ARHGAP12: variants seen among roughly 807,000 people sequenced by gnomAD.
ARHGAP12 encodes rho GTPase-activating protein 12.
Under a neutral mutation model 108.6 loss-of-function variants are expected in ARHGAP12, and 64 were observed. The observed-to-expected ratio is 0.59, with a 90% CI of 0.48 to 0.73. ARHGAP12 has a LOEUF of 0.73. Ranked by LOEUF, ARHGAP12 falls within the 30% of genes least tolerant of loss-of-function variation. The probability of loss-of-function intolerance (pLI) is 0.00; values close to 1 mark genes in which losing one functional copy is unlikely to be tolerated. For missense variants in ARHGAP12, 940 were observed against 1,005.9 expected (o/e 0.93, Z 0.89); for synonymous variants, 312 against 337.2 (o/e 0.93, Z 0.82).
At chr10:31,840,027 T>C (rs1836201606) in intron 7 of ARHGAP12, among the ~76,000 whole-genome samples, 1 of 152,088 alleles carries the variant, frequency 6.6e-6, no homozygotes, top group East Asian at 1.9e-4. Context: ...TTAAAATAAG[T>C]AAAACCTAAA....
intron 7 of ARHGAP12, among the ~76,000 whole-genome samples, chr10:31,840,573 TTG>T (rs1836225542): frequency 6.6e-6 from 1 of 152,120 alleles, no homozygotes; most frequent in South Asian, 2.1e-4. Flanking sequence ...TATTATTAAT[TTG>T]TTTCTATCAA....
At chr10:31,907,564 G>A (rs910379499) in intron 3 of ARHGAP12, among the ~76,000 whole-genome samples, 2 of 151,650 alleles carry the variant, frequency 1.3e-5, no homozygotes, top group African/African-American at 4.8e-5. Flanking sequence ...AGCCCAGGAG[G>A]TGAAGGCTGC....
At chr10:31,879,971 T>C (rs894072208) in intron 3 of ARHGAP12, among the ~76,000 whole-genome samples, 2 of 152,162 alleles carry the variant, frequency 1.3e-5, no homozygotes, top group South Asian at 2.1e-4. Context: ...TGGGAAATAA[T>C]AGGGAAGCAA....
intron 15 of ARHGAP12, among the ~76,000 whole-genome samples, chr10:31,812,036 T>A (rs1035653075): frequency 1.3e-5 from 2 of 152,232 alleles, no homozygotes; most frequent in African/African-American, 2.4e-5. Flanking sequence ...AGAAATTTCA[T>A]AATAATCAGA....
Position 31,807,632 on chromosome 10 carries a change from A to G in ARHGAP12, c.*26T>C, listed in dbSNP as rs954866081. 4 of 1,573,432 alleles carry G rather than the reference A, an allele frequency of 2.5e-6. No individual in the cohort carries two copies. Among genetic ancestry groups the G allele is most frequent in the Non-Finnish European group, 1.7e-6 (2 of 1,164,430 alleles). ...TGAAATCTGATGGAATCCAGCTTCT[A>G]TTCCACAGGTTGTCTTCAGTAAGAA... On this transcript the variant is annotated 3_prime_UTR_variant, in exon 20 of 20. Transcript: ENST00000344936.
At chr10:31,870,185 G>GTAATTTAGCTGCTTA in intron 3 of ARHGAP12, among the ~76,000 whole-genome samples, 1 of 149,900 alleles carries the variant, frequency 6.7e-6, no homozygotes, top group East Asian at 2.0e-4. Context: ...ATGTATTTTT[G>GTAATTTAGCTGCTTA]TAATTTAGCT....
chr10:31,914,650 C>T (rs963336201), intron 1 of ARHGAP12, among the ~76,000 whole-genome samples: 3 of 151,962 alleles, frequency 2.0e-5, no homozygotes, highest in African/African-American at 4.8e-5. Context: ...TATAAGCTGG[C>T]GAGAATGTGG....
intron 3 of ARHGAP12, among the ~76,000 whole-genome samples, chr10:31,885,457 G>T (rs1056333860): frequency 6.6e-6 from 1 of 152,068 alleles, no homozygotes; most frequent in Non-Finnish European, 1.5e-5. Flanking sequence ...AAAACCAAGA[G>T]TTCCTTCCTG....
rs1442051928 is a variant in ARHGAP12, at chr10:31,839,438, GAT to G, written c.1372-121_1372-120del. ...TATGGTATATAATTTAATCATGTAA[GAT>G]ACCATATTTTAAACAAAAGGGGGAC... On this transcript the variant is annotated intron_variant, in intron 8 of 19. Transcript: ENST00000344936. The G allele has an allele frequency of 7.8e-6, 9 of 1,158,336 alleles. No homozygotes were observed. In the African/African-American group the frequency reaches 7.9e-5, roughly 10 times the overall value. The allele number at this position is 1,158,336 out of a possible 1,614,324, so 71.8% of individuals were successfully genotyped here.
At chr10:31,883,001 A>G (rs777356155) in intron 3 of ARHGAP12, among the ~76,000 whole-genome samples, 1 of 151,618 alleles carries the variant, frequency 6.6e-6, no homozygotes, top group Non-Finnish European at 1.5e-5. Flanking sequence ...GCATTAAGAA[A>G]TATCTACTCT....
chr10:31,879,512 T>C (rs1837857620), intron 3 of ARHGAP12, among the ~76,000 whole-genome samples: 1 of 152,238 alleles, frequency 6.6e-6, no homozygotes, highest in African/African-American at 2.4e-5. Flanking sequence ...ATAATTTTAT[T>C]AGTAGTTGGC....
intron 3 of ARHGAP12, among the ~76,000 whole-genome samples, chr10:31,885,538 G>A (rs1838158139): frequency 1.3e-5 from 2 of 152,124 alleles, no homozygotes; most frequent in African/African-American, 4.8e-5. Context: ...CAGACAAATG[G>A]CCAGGCATGG....
intron 3 of ARHGAP12, among the ~76,000 whole-genome samples, chr10:31,889,108 C>T (rs747999018): frequency 2.6e-5 from 4 of 152,280 alleles, no homozygotes; most frequent in East Asian, 1.9e-4. Flanking sequence ...GACAGGGTTT[C>T]GCCATTTTGG....
chr10:31,820,781 A>AC (rs1835387749), intron 11 of ARHGAP12, among the ~76,000 whole-genome samples: 1 of 150,250 alleles, frequency 6.7e-6, no homozygotes, highest in African/African-American at 2.4e-5. Context: ...GTGGGAAAAA[A>AC]TTTTTTCAAA....
chr10:31,920,267 A>G (rs1222152626), intron 1 of ARHGAP12, among the ~76,000 whole-genome samples: 2 of 151,670 alleles, frequency 1.3e-5, no homozygotes, highest in East Asian at 3.9e-4. Flanking sequence ...CCTGACCAAC[A>G]TGGTGAAACC....
At chr10:31,881,701 GT>G (rs1837963081) in intron 3 of ARHGAP12, among the ~76,000 whole-genome samples, 1 of 152,052 alleles carries the variant, frequency 6.6e-6, no homozygotes, top group South Asian at 2.1e-4. Flanking sequence ...TAATTCCAAA[GT>G]CCAGACTATT....
At chr10:31,864,293 C>T (rs951283172) in intron 3 of ARHGAP12, among the ~76,000 whole-genome samples, 21 of 151,878 alleles carry the variant, frequency 1.4e-4, no homozygotes, top group Admixed American at 1.4e-3. Flanking sequence ...GAAAATATAA[C>T]AACCAAAAAA....
At chr10:31,844,610 T>A (rs1836383226) in intron 6 of ARHGAP12, among the ~76,000 whole-genome samples, 1 of 151,968 alleles carries the variant, frequency 6.6e-6, no homozygotes, top group Admixed American at 6.6e-5. Flanking sequence ...CAGAGCTCAC[T>A]GCAACCTTGA....
At chr10:31,870,036 GC>G (rs1837479880) in intron 3 of ARHGAP12, among the ~76,000 whole-genome samples, 1 of 151,996 alleles carries the variant, frequency 6.6e-6, no homozygotes, top group African/African-American at 2.4e-5. Flanking sequence ...AATCCCTACA[GC>G]CTATAATCAT....
Sources: allele counts gnomAD v4.1 joint callset (sites outside exome capture counted in the v4.1 genomes callset), GRCh38; gene constraint gnomAD v4.1.1; transcripts MANE v1.5; gene names NCBI Gene and HGNC (gene_info 2026-07-23, HGNC 2026-07-21).